Variants in SLC15A1 observed in about 807,000 individuals in gnomAD.
The protein encoded by SLC15A1 is solute carrier family 15 member 1.
SLC15A1 carries 83 observed loss-of-function variants against 92.9 expected under a neutral mutation model. The ratio of observed to expected loss-of-function variants is 0.89; its 90% CI spans 0.75 to 1.07. SLC15A1 has a LOEUF of 1.07. SLC15A1 is among the 50% of genes least tolerant of loss of function. SLC15A1 has a pLI of 0.00. For missense variants in SLC15A1, 857 were observed against 880.1 expected, an observed-to-expected ratio of 0.97 and a Z score of 0.33; for synonymous variants, 322 against 318.2, an observed-to-expected ratio of 1.01 and a Z score of -0.13.
chr13:98,752,408 C>T (rs2088554292), intron 1 of SLC15A1, among the ~76,000 whole-genome samples, 187 bp downstream of exon 1: 1 of 152,126 alleles, frequency 6.6e-6, no homozygotes, highest in African/African-American at 2.4e-5. Flanking sequence ...TTCCGCGCCC[C>T]GGCCGCACGG....
At chr13:98,697,179 C>T (rs1474452245) in intron 18 of SLC15A1, among the ~76,000 whole-genome samples, 1 of 152,156 alleles carries the variant, frequency 6.6e-6, no homozygotes, top group Non-Finnish European at 1.5e-5. Flanking sequence ...CCTCAGTCTC[C>T]CCAGTAGCTG....
chr13:98,701,557 T>C (rs1237514883), intron 18 of SLC15A1, among the ~76,000 whole-genome samples: 2 of 151,874 alleles, frequency 1.3e-5, no homozygotes, highest in African/African-American at 4.8e-5. Context: ...TGGAGTTCAG[T>C]GGCAGGATCA....
chr13:98,695,880 T>G (rs1048419384), intron 18 of SLC15A1, among the ~76,000 whole-genome samples: 4 of 152,208 alleles, frequency 2.6e-5, no homozygotes, highest in African/African-American at 9.6e-5. Context: ...TCCGTTGTTC[T>G]ATTTCTCTGT....
At chr13:98,699,191 A>G (rs56060134) in intron 18 of SLC15A1, among the ~76,000 whole-genome samples, 57,871 of 152,100 alleles carry the variant, frequency 0.38, 13,852 homozygotes, top group Non-Finnish European at 0.54. Flanking sequence ...GGAATTATAC[A>G]ATTATTCTGT....
chr13:98,741,616 C>G (rs2088447432), intron 1 of SLC15A1, among the ~76,000 whole-genome samples: 1 of 150,756 alleles, frequency 6.6e-6, no homozygotes, highest in Non-Finnish European at 1.5e-5. Context: ...CCCAGCTACT[C>G]AAGAGGCTGA....
At chr13:98,692,117 C>A (rs2087983811) in intron 18 of SLC15A1, among the ~76,000 whole-genome samples, 3 of 145,570 alleles carry the variant, frequency 2.1e-5, no homozygotes, top group Non-Finnish European at 4.5e-5. Context: ...TATGAGGAGT[C>A]CCCCTCTCTT....
intron 8 of SLC15A1, 91 bp downstream of exon 8, chr13:98,719,146 G>C (rs748773584): frequency 1.2e-6 from 1 of 840,700 alleles, no homozygotes; most frequent in South Asian, 1.6e-5. Context: ...GTTGCCACTT[G>C]TTACATGCAC....
At chr13:98,715,296 T>G (rs1280922053) in intron 9 of SLC15A1, among the ~76,000 whole-genome samples, 1 of 152,160 alleles carries the variant, frequency 6.6e-6, no homozygotes, top group Non-Finnish European at 1.5e-5. Context: ...TGCCTCACCC[T>G]CCAGAGTAGC....
In SLC15A1 at chr13:98,684,575, A is replaced by C; in HGVS notation, c.*149T>G. On this transcript the variant is annotated 3_prime_UTR_variant, in exon 23 of 23. Coordinates refer to ENST00000376503, the MANE Select transcript of SLC15A1 (RefSeq NM_005073.4). ...AAAAAAAAAAAAAAAAAAAGAAAAG[A>C]AAAAGAAAAAAGAAAATAGCATTCA... 2.0e-6 allele frequency: 1 copy of C among 496,910 alleles called. No individual in the cohort carries two copies. The highest frequency in any genetic ancestry group is 3.5e-6 in the Non-Finnish European group (1 of 287,934). 30.8% of individuals were successfully genotyped at this position (496,910 alleles called of 1,614,324 possible). A position where few individuals can be genotyped will look rare whatever the true frequency, so the allele number is the denominator to read the frequency against.
rs542564408 is a variant in SLC15A1 at position 98,704,877 on chromosome 13, A to G, written c.1270-442T>C. On this transcript the variant is annotated intron_variant, in intron 16 of 22. Transcript: ENST00000376503. ...TTGTGGTGCTCAACCATGGCTAAAC[A>G]GGAACGAGACTGGCTAAATCTCAAC... Among the ~76,000 whole-genome samples, 27 of 152,256 alleles carry G rather than the reference A, an allele frequency of 1.8e-4. 1 individual carries two copies. The highest frequency in any genetic ancestry group is 6.5e-4 in the African/African-American group (27 of 41,540).
intron 7 of SLC15A1, 58 bp downstream of exon 7, chr13:98,721,437 C>T: frequency 1.7e-6 from 2 of 1,165,164 alleles, no homozygotes; most frequent in Non-Finnish European, 2.6e-6. Flanking sequence ...ACGAAGAAGA[C>T]ACGGACTTGG....
At chr13:98,726,335 C>T (rs377454712) in intron 3 of SLC15A1, 33 bp downstream of exon 3, 15 of 1,614,070 alleles carry the variant, frequency 9.3e-6, no homozygotes, top group Non-Finnish European at 1.2e-5. Flanking sequence ...TCCCGCTCTT[C>T]CCTGAAGGGT....
intron 7 of SLC15A1, chr13:98,720,864 C>T: frequency 3.0e-6 from 1 of 336,060 alleles, no homozygotes; most frequent in South Asian, 2.5e-5. Context: ...TCCTGGCTAA[C>T]ATGGTGAAAT....
intron 22 of SLC15A1, among the ~76,000 whole-genome samples, 193 bp from the exon 23 acceptor site, chr13:98,685,108 T>A (rs2087919972): frequency 6.6e-6 from 1 of 152,174 alleles, no homozygotes; most frequent in African/African-American, 2.4e-5. Context: ...GATAGATAGA[T>A]GCTAATATAG....
At chr13:98,740,284 A>T (rs1422606213) in intron 1 of SLC15A1, among the ~76,000 whole-genome samples, 1 of 152,204 alleles carries the variant, frequency 6.6e-6, no homozygotes, top group Admixed American at 6.5e-5. Flanking sequence ...GCCCCTGTCC[A>T]GGGTCACCCG....
intron 9 of SLC15A1, among the ~76,000 whole-genome samples, chr13:98,715,616 T>C (rs1369419718): frequency 6.6e-6 from 1 of 152,224 alleles, no homozygotes; most frequent in Admixed American, 6.5e-5. Flanking sequence ...TGTTCTGCCA[T>C]TTCGACAGAT....
At chr13:98,752,224 G>A (rs2088552189) in intron 1 of SLC15A1, among the ~76,000 whole-genome samples, 1 of 152,260 alleles carries the variant, frequency 6.6e-6, no homozygotes, top group African/African-American at 2.4e-5. Flanking sequence ...CAGCCACAAG[G>A]CTTCCGCCAG....
At position 98,709,595 on chromosome 13, in the gene SLC15A1, A is replaced by G. The variant is rs1419158460; in HGVS notation, c.1044T>C (p.Ile348=). ...PIFDAVLYPL[I]AKCGFNFTSL... The stretch of plus-strand genomic sequence containing the variant: ...ACGTGAAATTGAAGCCACATTTTGC[A>G]ATGAGAGGGTACAGCACAGCATCGA... The change falls in exon 14 of 23, where the codon ATT becomes ATC. Residue 348 remains isoleucine (I), a synonymous_variant. Transcript: ENST00000376503. The G allele has an allele frequency of 1.1e-5, 17 of 1,614,050 alleles. No individual in the cohort carries two copies. The highest frequency in any genetic ancestry group is 1.4e-5 in the Non-Finnish European group (17 of 1,180,042).
intron 8 of SLC15A1, among the ~76,000 whole-genome samples, chr13:98,718,060 T>C (rs1056133039): frequency 6.6e-6 from 1 of 151,422 alleles, no homozygotes; most frequent in African/African-American, 2.4e-5. Context: ...CGGGGGGAGG[T>C]GATACTAGTT....
Sources: allele counts gnomAD v4.1 joint callset (sites outside exome capture counted in the v4.1 genomes callset), GRCh38; gene constraint gnomAD v4.1.1; transcripts MANE v1.5; gene names NCBI Gene and HGNC (gene_info 2026-07-23, HGNC 2026-07-21).